Variants in CPNE4 observed in about 807,000 individuals in gnomAD.
CPNE4 encodes the protein copine 4.
Under a neutral mutation model 67.9 loss-of-function variants are expected in CPNE4, and 25 were observed. The observed-to-expected ratio is 0.37, with a 90% CI of 0.27 to 0.51. The LOEUF is 0.51. CPNE4 is among the 20% of genes least tolerant of loss of function. The pLI, the probability that CPNE4 is intolerant of heterozygous loss-of-function variation, is 0.93. For synonymous variants in CPNE4, 242 were observed against 244.9 expected (o/e 0.99, Z 0.11); for missense variants, 464 against 690.8 (o/e 0.67, Z 3.68).
At chr3:131,728,147 T>C (rs1369443798) in intron 2 of CPNE4, among the ~76,000 whole-genome samples, 2 of 152,250 alleles carry the variant, frequency 1.3e-5, no homozygotes, top group Admixed American at 1.3e-4. Flanking sequence ...GTTTTAATTT[T>C]CGTTTTCCTA....
chr3:131,886,102 G>A (rs994584763), intron 2 of CPNE4, among the ~76,000 whole-genome samples: 2 of 152,208 alleles, frequency 1.3e-5, no homozygotes, highest in East Asian at 1.9e-4. Flanking sequence ...CCCATCACCA[G>A]CCTGAAGGCC....
intron 1 of CPNE4, among the ~76,000 whole-genome samples, chr3:131,965,023 C>G (rs1218354281): frequency 6.6e-6 from 1 of 152,180 alleles, no homozygotes; most frequent in African/African-American, 2.4e-5. Context: ...AACAGTGGAT[C>G]TCTCTGCAGA....
intron 2 of CPNE4, among the ~76,000 whole-genome samples, chr3:131,818,189 G>A (rs567980862): frequency 6.6e-6 from 1 of 152,226 alleles, no homozygotes; most frequent in South Asian, 2.1e-4. Context: ...TTTATTAGTT[G>A]AGTATATAAA....
chr3:131,647,787 T>C (rs2079702097), intron 7 of CPNE4, among the ~76,000 whole-genome samples: 1 of 152,180 alleles, frequency 6.6e-6, no homozygotes, highest in African/African-American at 2.4e-5. Context: ...ACTTTCCCTT[T>C]TACCCTTTCC....
At chr3:131,957,107 C>A (rs1011138260) in intron 1 of CPNE4, among the ~76,000 whole-genome samples, 2 of 152,158 alleles carry the variant, frequency 1.3e-5, no homozygotes, top group African/African-American at 2.4e-5. Context: ...AATTGGGATG[C>A]AAAATAACCC....
chr3:131,858,204 A>G (rs957201725), intron 2 of CPNE4, among the ~76,000 whole-genome samples: 1 of 152,138 alleles, frequency 6.6e-6, no homozygotes, highest in Admixed American at 6.6e-5. Context: ...GGTTGAATCC[A>G]TTGCATTGAA....
chr3:131,743,701 T>C (rs2107783464), intron 2 of CPNE4, among the ~76,000 whole-genome samples: 1 of 151,938 alleles, frequency 6.6e-6, no homozygotes, highest in Middle Eastern at 3.4e-3. Context: ...TACTGTAAAA[T>C]AGGAAGGGCT....
chr3:131,728,359 C>T (rs890856737), intron 2 of CPNE4, among the ~76,000 whole-genome samples: 1 of 152,182 alleles, frequency 6.6e-6, no homozygotes, highest in Non-Finnish European at 1.5e-5. Flanking sequence ...TTGTAGGTAG[C>T]AGAGGTGGGA....
chr3:131,543,621 T>C (rs191914350), intron 14 of CPNE4, among the ~76,000 whole-genome samples: 206 of 152,340 alleles, frequency 1.4e-3, no homozygotes, highest in Middle Eastern at 3.4e-3. Flanking sequence ...AATGACAATA[T>C]GTTGGCTATG....
intron 2 of CPNE4, among the ~76,000 whole-genome samples, chr3:131,730,423 C>T (rs567527291): frequency 6.6e-6 from 1 of 152,128 alleles, no homozygotes; most frequent in Non-Finnish European, 1.5e-5. Context: ...GACTCAACTC[C>T]AGTCTTTCTC....
intron 7 of CPNE4, among the ~76,000 whole-genome samples, chr3:131,619,811 G>T (rs888287227): frequency 1.7e-4 from 26 of 152,262 alleles, no homozygotes; most frequent in African/African-American, 5.5e-4. Flanking sequence ...ACCCTAAATG[G>T]TTAATACGAT....
intron 4 of CPNE4, among the ~76,000 whole-genome samples, chr3:131,699,550 G>T (rs1054345235): frequency 1.1e-4 from 16 of 152,284 alleles, no homozygotes; most frequent in African/African-American, 3.6e-4. Flanking sequence ...AGGACACGTA[G>T]CTTTGAAGCT....
chr3:131,761,512 A>C (rs1311731555), intron 2 of CPNE4, among the ~76,000 whole-genome samples: 1 of 152,134 alleles, frequency 6.6e-6, no homozygotes, highest in Non-Finnish European at 1.5e-5. Flanking sequence ...AGTACGGGAC[A>C]AAAAGGAAGT....
chr3:131,737,773 G>A (rs1266773346), intron 2 of CPNE4, among the ~76,000 whole-genome samples: 3 of 151,876 alleles, frequency 2.0e-5, no homozygotes, highest in African/African-American at 7.3e-5. Context: ...TGTAACCCAA[G>A]GTATATTGTT....
At chr3:131,701,247 GAA>G (rs1037111552) in intron 3 of CPNE4, among the ~76,000 whole-genome samples, 4 of 146,908 alleles carry the variant, frequency 2.7e-5, no homozygotes, top group Non-Finnish European at 6.0e-5. Context: ...GTACAATTAA[GAA>G]AAAAAAAAGA....
At chr3:131,897,417 T>A (rs1187290867) in intron 2 of CPNE4, among the ~76,000 whole-genome samples, 6 of 152,146 alleles carry the variant, frequency 3.9e-5, no homozygotes, top group Non-Finnish European at 7.4e-5. Flanking sequence ...AACAGTCTGG[T>A]ACTCATTATT....
intron 2 of CPNE4, among the ~76,000 whole-genome samples, chr3:131,773,693 G>C (rs1409902516): frequency 6.6e-6 from 1 of 151,976 alleles, no homozygotes; most frequent in East Asian, 1.9e-4. Context: ...AATCACCTGT[G>C]ATCTAATTAT....
At chr3:132,009,071 G>C (rs532753227) in intron 1 of CPNE4, among the ~76,000 whole-genome samples, 2 of 152,316 alleles carry the variant, frequency 1.3e-5, no homozygotes, top group South Asian at 2.1e-4. Context: ...TCACTGCGGA[G>C]CTGCCCACAT....
chr3:131,651,549 C>G (rs2079816620), intron 7 of CPNE4, among the ~76,000 whole-genome samples: 1 of 152,174 alleles, frequency 6.6e-6, no homozygotes, highest in Non-Finnish European at 1.5e-5. Context: ...ACAGAAGAAA[C>G]ACAAGGCTTT....
Sources: allele counts gnomAD v4.1 joint callset (sites outside exome capture counted in the v4.1 genomes callset), GRCh38; gene constraint gnomAD v4.1.1; transcripts MANE v1.5; gene names NCBI Gene and HGNC (gene_info 2026-07-23, HGNC 2026-07-21).